The following GAREM1 variants were observed in gnomAD, a reference collection of about 807,000 sequenced individuals.
The protein encoded by GAREM1 is GRB2 associated regulator of MAPK1 subtype 1, also known as GRB2-associated and regulator of MAPK protein 1.
Under a neutral mutation model 71.3 loss-of-function variants are expected in GAREM1, and 26 were observed. The observed-to-expected ratio is 0.36, with a 90% confidence interval of 0.27 to 0.51. GAREM1 has a LOEUF of 0.51. GAREM1 is among the 20% of genes least tolerant of loss of function. The pLI is 0.95. For synonymous variants in GAREM1, 440 were observed against 433.2 expected (o/e 1.02, Z -0.20); for missense variants, 1,026 against 1,103.1 (o/e 0.93, Z 0.99).
At position 32,268,197 on chromosome 18, in the gene GAREM1, C is replaced by T. The variant is rs1299336182; in HGVS notation, c.2305G>A (p.Val769Ile). 2 of 1,614,082 alleles carry T rather than the reference C, an allele frequency of 1.2e-6. No homozygotes were observed. The highest frequency in any genetic ancestry group is 3.3e-5 in the Admixed American group (2 of 60,000). ...AAGATGTCCTGCATGCCCTTTTTAACAAAATACTGGTCCTCCGAGAGATCT... is the reference window on the plus strand; with the variant it reads ...AAGATGTCCTGCATGCCCTTTTTAATAAAATACTGGTCCTCCGAGAGATCT... ...SPDLSEDQYF[V>I]KKGMQDIFSA... is the part of the protein sequence containing the mutation. Residue 769 changes from valine (V) to isoleucine (I), a missense_variant, in exon 6 of 6, where the codon GTT (valine) becomes ATT (isoleucine). By Grantham distance (29) the Val-to-Ile change is conservative. Coordinates refer to ENST00000269209, the MANE Select transcript of GAREM1 (RefSeq NM_001242409.2).
intron 2 of GAREM1, among the ~76,000 whole-genome samples, chr18:32,368,471 A>G (rs2047946239): frequency 6.6e-6 from 1 of 152,200 alleles, no homozygotes. Context: ...TATCAGGCCA[A>G]AATTCTGCCT....
intron 1 of GAREM1, among the ~76,000 whole-genome samples, chr18:32,403,051 G>T (rs2048331314): frequency 6.6e-6 from 1 of 152,020 alleles, no homozygotes; most frequent in Admixed American, 6.6e-5. Flanking sequence ...CTGAGTAGCT[G>T]GGATTACAGG....
intron 1 of GAREM1, among the ~76,000 whole-genome samples, chr18:32,466,072 G>A (rs1401053055): frequency 6.6e-6 from 1 of 152,030 alleles, no homozygotes; most frequent in African/African-American, 2.4e-5. Context: ...TGTTAAGTCA[G>A]GTAATTTCCA....
At chr18:32,405,780 A>C (rs1333066970) in intron 1 of GAREM1, among the ~76,000 whole-genome samples, 1 of 152,246 alleles carries the variant, frequency 6.6e-6, no homozygotes, top group Non-Finnish European at 1.5e-5. Context: ...CTTGGAACAA[A>C]GTGAAGATAG....
At chr18:32,334,116 A>T (rs1598968611) in intron 2 of GAREM1, among the ~76,000 whole-genome samples, 1 of 152,130 alleles carries the variant, frequency 6.6e-6, no homozygotes, top group African/African-American at 2.4e-5. Flanking sequence ...AAGAGCAGAA[A>T]CCCACACAAA....
At chr18:32,342,367 CTCACTTGA>C (rs1467719401) in intron 2 of GAREM1, among the ~76,000 whole-genome samples, 4 of 152,184 alleles carry the variant, frequency 2.6e-5, no homozygotes, top group Non-Finnish European at 4.4e-5. Flanking sequence ...CTGCTGGACA[CTCACTTGA>C]TCATGTCATT....
At chr18:32,335,274 A>G (rs1427561406) in intron 2 of GAREM1, among the ~76,000 whole-genome samples, 2 of 152,238 alleles carry the variant, frequency 1.3e-5, no homozygotes, top group East Asian at 3.8e-4. Context: ...ACGCTGGAAC[A>G]GACCTTAAAG....
intron 1 of GAREM1, among the ~76,000 whole-genome samples, chr18:32,414,290 G>A (rs906218892): frequency 3.3e-5 from 5 of 152,052 alleles, no homozygotes; most frequent in African/African-American, 1.2e-4. Context: ...TTGATCCAGT[G>A]ACTATTTTCT....
chr18:32,278,722 C>A (rs2041575014), intron 4 of GAREM1, among the ~76,000 whole-genome samples: 1 of 151,652 alleles, frequency 6.6e-6, no homozygotes, highest in East Asian at 1.9e-4. Flanking sequence ...GAGTTCATAA[C>A]CCTGTCACAT....
At chr18:32,327,156 T>C (rs573172250) in intron 2 of GAREM1, among the ~76,000 whole-genome samples, 1 of 152,308 alleles carries the variant, frequency 6.6e-6, no homozygotes, top group East Asian at 1.9e-4. Context: ...ACTTTTTCAT[T>C]TTGTGGCTGT....
chr18:32,375,838 A>T (rs2048025703), intron 2 of GAREM1, among the ~76,000 whole-genome samples: 1 of 152,212 alleles, frequency 6.6e-6, no homozygotes, highest in African/African-American at 2.4e-5. Flanking sequence ...TCCCAGAGCA[A>T]AAACTTGATT....
intron 2 of GAREM1, among the ~76,000 whole-genome samples, chr18:32,335,421 G>A (rs1025160816): frequency 6.6e-6 from 1 of 152,110 alleles, no homozygotes; most frequent in Non-Finnish European, 1.5e-5. Context: ...ACACAGCTTG[G>A]GTCCTTACTG....
chr18:32,267,936 T>C lies in GAREM1; in HGVS notation c.2566A>G (p.Lys856Glu). ...LTEEILSEDF[K>E]LSKLQVKKIM... is the part of the protein sequence containing the mutation. ...TTCTTCACCTGCAATTTGCTCAATT[T>C]GAAATCCTCTGAGAGGATTTCTTCC... Residue 856 changes from lysine to glutamate, a missense_variant, in exon 6 of 6, where the codon AAA becomes GAA. Physicochemically the swap from Lys to Glu is moderately conservative, Grantham distance 56 (BLOSUM62 1). This residue lies in a region of GAREM1 where 636 missense variants were observed against 631.2 expected (regional missense o/e 1.01). Transcript: ENST00000269209. 1 of 1,614,068 alleles carries C rather than the reference T, an allele frequency of 6.2e-7. No homozygotes were observed. The highest frequency in any genetic ancestry group is 8.5e-7 in the Non-Finnish European group (1 of 1,179,952).
intron 1 of GAREM1, among the ~76,000 whole-genome samples, chr18:32,420,589 T>C (rs1374344814): frequency 6.6e-6 from 1 of 152,000 alleles, no homozygotes; most frequent in Admixed American, 6.6e-5. Context: ...ATGGGAAGTT[T>C]GTAAAAAACG....
intron 1 of GAREM1, among the ~76,000 whole-genome samples, chr18:32,451,254 C>A (rs934341527): frequency 6.7e-6 from 1 of 150,008 alleles, no homozygotes; most frequent in Non-Finnish European, 1.5e-5. Flanking sequence ...CCCATCCCCC[C>A]ACCCCCAAGC....
rs567049005 is a variant in GAREM1 at position 32,273,844 on chromosome 18, G to A, written c.1567-3461C>T. On this transcript the variant is annotated intron_variant, in intron 4 of 5. Transcript: ENST00000269209. ...GGATTTTTTTCTGTTGTGATGGGAG[G>A]GCAGTCTGGGTGTTGTTATGTGAGG... 5.9e-5 allele frequency among the ~76,000 whole-genome samples: 9 copies of A among 152,202 alleles called. No homozygotes were observed. The South Asian group carries it at 1.9e-3, about 32-fold the overall frequency.
At chr18:32,390,339 A>G (rs2048183877) in intron 2 of GAREM1, among the ~76,000 whole-genome samples, 1 of 152,212 alleles carries the variant, frequency 6.6e-6, no homozygotes, top group Non-Finnish European at 1.5e-5. Flanking sequence ...GCTGGAATCT[A>G]TTTGTACCTC....
At chr18:32,392,759 TC>T (rs2048214852) in intron 2 of GAREM1, 135 bp downstream of exon 2, 2 of 883,656 alleles carry the variant, frequency 2.3e-6, no homozygotes, top group Non-Finnish European at 3.4e-6. Flanking sequence ...CTTTCACTGA[TC>T]AATAACCACA....
chr18:32,331,129 A>G (rs1315856883), intron 2 of GAREM1, among the ~76,000 whole-genome samples: 1 of 152,134 alleles, frequency 6.6e-6, no homozygotes, highest in African/African-American at 2.4e-5. Context: ...ATATTCTATT[A>G]TTATTCCTTT....
Sources: allele counts gnomAD v4.1 joint callset (sites outside exome capture counted in the v4.1 genomes callset), GRCh38; gene constraint gnomAD v4.1.1; regional missense constraint gnomAD v4.1.1; transcripts MANE v1.5; gene names NCBI Gene and HGNC (gene_info 2026-07-23, HGNC 2026-07-21).